Variants in CCDC13 observed in about 807,000 individuals in gnomAD.
The protein encoded by CCDC13 is coiled-coil domain-containing protein 13.
Under a neutral mutation model 87.3 loss-of-function variants are expected in CCDC13, and 70 were observed. That is an observed-to-expected ratio of 0.80 (90% CI 0.66 to 0.98). The LOEUF (loss-of-function observed/expected upper bound fraction) is 0.98. Among genes scored for constraint, CCDC13 ranks in the 50% least tolerant of loss-of-function variants. The pLI is 0.00. For missense variants in CCDC13, 842 were observed against 892.0 expected, an observed-to-expected ratio of 0.94 and a Z score of 0.71; for synonymous variants, 317 against 360.3, an observed-to-expected ratio of 0.88 and a Z score of 1.36.
chr3:42,771,277 G>A (rs905582825), intron 1 of CCDC13, among the ~76,000 whole-genome samples: 10 of 152,226 alleles, frequency 6.6e-5, no homozygotes, highest in African/African-American at 2.2e-4. Context: ...AGAAGTAAAA[G>A]ATACCAGTGA....
rs758944836 is a variant in CCDC13, at chr3:42,752,684, G to A, written c.404C>T (p.Thr135Ile). 1 of 1,614,080 alleles carries A rather than the reference G, an allele frequency of 6.2e-7. No individual in the cohort carries two copies. The highest frequency in any genetic ancestry group is 1.7e-5 in the Admixed American group (1 of 60,022). ...TAGVAGDVVATKIVELSKKNR... is the reference protein window; with the variant it reads ...TAGVAGDVVAIKIVELSKKNR... ...CTTTTTTGATAGCTCCACAATTTTG[G>A]TGGCGACCACGTCTCCGGCTACACC... is the stretch of plus-strand genomic sequence containing the variant. Residue 135 changes from threonine to isoleucine, a missense_variant, in exon 4 of 16, where the codon ACC (threonine) becomes ATC (isoleucine). By Grantham distance (89) the Thr-to-Ile change is moderately conservative. Transcript: ENST00000310232.
At chr3:42,767,333 T>C (rs1221626322) in intron 1 of CCDC13, among the ~76,000 whole-genome samples, 1 of 152,148 alleles carries the variant, frequency 6.6e-6, no homozygotes, top group African/African-American at 2.4e-5. Flanking sequence ...AACACAAACA[T>C]TGAAATACTT....
At chr3:42,730,721 G>T in intron 12 of CCDC13, 132 bp from the exon 13 acceptor site, 1 of 1,155,392 alleles carries the variant, frequency 8.7e-7, no homozygotes, top group South Asian at 1.6e-5. Flanking sequence ...AGCAAACCCA[G>T]TCCCTCTAGG....
Position 42,715,159 on chromosome 3 carries a change from A to T in CCDC13, c.1719-1843T>A, listed in dbSNP as rs77853045. 5.5e-3 allele frequency among the ~76,000 whole-genome samples: 715 copies of T among 129,410 alleles called. 5 individuals are homozygous for T. Among genetic ancestry groups the T allele is most frequent in the African/African-American group, 0.019 (671 of 34,730 alleles). The allele number at this position is 129,410 out of a possible 152,430, so 84.9% of individuals were successfully genotyped here. On this transcript the variant is annotated intron_variant, in intron 13 of 15. Transcript: ENST00000310232. ...TAAAAATACAAAAAAAAAAAAAAAA[A>T]TTAGCTAGGTGTGGTGGCATGCTCC... is the stretch of plus-strand genomic sequence containing the variant.
At chr3:42,718,032 A>G (rs1181909075) in intron 13 of CCDC13, 1 of 152,220 alleles carries the variant, frequency 6.6e-6, no homozygotes, top group African/African-American at 2.4e-5. Context: ...TCCAAAGCAC[A>G]GTGGTTTTGT....
chr3:42,705,023 G>A (rs1250514131), downstream of CCDC13: 1 of 152,358 alleles, frequency 6.6e-6, no homozygotes, highest in Non-Finnish European at 1.5e-5. Context: ...CTGTGTGTAC[G>A]TTTTGTGTTG....
intron 3 of CCDC13, among the ~76,000 whole-genome samples, chr3:42,754,271 C>A (rs934711532): frequency 6.6e-6 from 1 of 152,088 alleles, no homozygotes; most frequent in Admixed American, 6.5e-5. Flanking sequence ...GTGAGTGGGG[C>A]AACTAGGAGT....
At chr3:42,768,096 G>C (rs1408267834) in intron 1 of CCDC13, among the ~76,000 whole-genome samples, 3 of 152,006 alleles carry the variant, frequency 2.0e-5, no homozygotes, top group Non-Finnish European at 2.9e-5. Flanking sequence ...CACATAAATA[G>C]AGTCAACTGA....
intron 6 of CCDC13, chr3:42,747,052 G>A: frequency 1.5e-6 from 1 of 668,080 alleles, no homozygotes; most frequent in Admixed American, 2.1e-5. Flanking sequence ...GCAGGCTCAG[G>A]TAGCCAGCGA....
chr3:42,755,284 C>T (rs765051232), intron 3 of CCDC13, among the ~76,000 whole-genome samples: 24 of 152,332 alleles, frequency 1.6e-4, no homozygotes, highest in Admixed American at 3.9e-4. Flanking sequence ...TATCAACTCT[C>T]AGTAGCCTGT....
At chr3:42,749,891 G>A (rs1300952910) in intron 5 of CCDC13, 1 of 456,748 alleles carries the variant, frequency 2.2e-6, no homozygotes, top group Non-Finnish European at 4.4e-6. Flanking sequence ...TGGAGGCCTA[G>A]GGTTGGAATG....
intron 5 of CCDC13, among the ~76,000 whole-genome samples, chr3:42,751,725 G>A (rs957869313): frequency 2.0e-5 from 3 of 152,246 alleles, no homozygotes; most frequent in South Asian, 2.1e-4. Context: ...CTTCCGACAC[G>A]ACATTCTTGG....
chr3:42,772,386 G>A (rs1267490776), intron 1 of CCDC13, among the ~76,000 whole-genome samples: 1 of 152,042 alleles, frequency 6.6e-6, no homozygotes, highest in Non-Finnish European at 1.5e-5. Context: ...AGAGTGGCAT[G>A]CACTCTGGAG....
intron 1 of CCDC13, among the ~76,000 whole-genome samples, chr3:42,758,942 A>G (rs1285943049): frequency 6.6e-6 from 1 of 152,100 alleles, no homozygotes; most frequent in Non-Finnish European, 1.5e-5. Flanking sequence ...CCCCAAGGTA[A>G]CCATTATTCT....
chr3:42,742,279 C>G (rs567312765), intron 8 of CCDC13, among the ~76,000 whole-genome samples: 1 of 152,246 alleles, frequency 6.6e-6, no homozygotes, highest in East Asian at 1.9e-4. Flanking sequence ...AAGAGAAACC[C>G]TTTGTCTGTA....
chr3:42,728,982 A>G (rs1233323980), intron 13 of CCDC13, among the ~76,000 whole-genome samples: 1 of 152,078 alleles, frequency 6.6e-6, no homozygotes, highest in African/African-American at 2.4e-5. Flanking sequence ...TCACATGGAG[A>G]CAGAAGCCAC....
intron 1 of CCDC13, among the ~76,000 whole-genome samples, chr3:42,767,755 A>C (rs1699960757): frequency 6.6e-6 from 1 of 152,108 alleles, no homozygotes; most frequent in South Asian, 2.1e-4. Context: ...TGGGTGGATC[A>C]CCTGAGGTCA....
At chr3:42,743,652 A>G (rs1057014458) in intron 7 of CCDC13, among the ~76,000 whole-genome samples, 11 of 137,318 alleles carry the variant, frequency 8.0e-5, no homozygotes, top group Non-Finnish European at 1.7e-4. Flanking sequence ...TAAATATATA[A>G]ATATAAATAT....
rs1699610850 is a variant in CCDC13, at chr3:42,752,564, A to C, written c.513+11T>G. ...GTCCCCTCCAGAGGGAGAATGACCA[A>C]GGCCCCTCACTTCCCGCTCCAGCTC... On this transcript the variant is annotated intron_variant, in intron 4 of 15. Transcript: ENST00000310232. The C allele has an allele frequency of 6.2e-7, 1 of 1,613,986 alleles. No homozygotes were observed. Among genetic ancestry groups the C allele is most frequent in the Non-Finnish European group, 8.5e-7 (1 of 1,180,034 alleles).
Sources: allele counts gnomAD v4.1 joint callset (sites outside exome capture counted in the v4.1 genomes callset), GRCh38; gene constraint gnomAD v4.1.1; transcripts MANE v1.5; gene names NCBI Gene and HGNC (gene_info 2026-07-23, HGNC 2026-07-21).